CRTC3: variants seen among roughly 807,000 people sequenced by gnomAD.
The protein encoded by CRTC3 is CREB regulated transcription coactivator 3, also known as CREB-regulated transcription coactivator 3.
CRTC3 carries 26 observed loss-of-function variants against 74.5 expected under a neutral mutation model. That is an observed-to-expected ratio of 0.35 (90% confidence interval 0.26 to 0.48). The LOEUF (loss-of-function observed/expected upper bound fraction) is 0.48, where lower values mean the gene tolerates loss of function less well. CRTC3 is among the 20% of genes least tolerant of loss of function. CRTC3 has a pLI of 0.99. For missense variants in CRTC3, 760 were observed against 787.3 expected (o/e 0.97, Z 0.41); for synonymous variants, 377 against 325.8 (o/e 1.16, Z -1.69).
Position 90,564,007 on chromosome 15 carries a change from TAA to T in CRTC3, c.231+23871_231+23872del, listed in dbSNP as rs1967069324. Among the ~76,000 whole-genome samples, 6 of 152,352 alleles carry T rather than the reference TAA, an allele frequency of 3.9e-5. No homozygotes were observed. The South Asian group carries it at 1.2e-3, about 32-fold the overall frequency. ...CTGTGCATCAGGCAATATGGCTAACTAAGGCTTTGCATACATCATTTACTCTT... is the reference window on the plus strand; with the variant it reads ...CTGTGCATCAGGCAATATGGCTAACTGGCTTTGCATACATCATTTACTCTT... On this transcript the variant is annotated intron_variant, in intron 2 of 14. Coordinates refer to ENST00000268184, the MANE Select transcript of CRTC3 (RefSeq NM_022769.5).
intron 2 of CRTC3, among the ~76,000 whole-genome samples, chr15:90,571,063 T>A (rs1200350851): frequency 6.6e-6 from 1 of 152,184 alleles, no homozygotes; most frequent in East Asian, 1.9e-4. Flanking sequence ...GTGGTTATAT[T>A]TTTTTAATAA....
At position 90,540,530 on chromosome 15, in the gene CRTC3, T is replaced by C. The variant is rs536423587; in HGVS notation, c.231+393T>C. ...GCTCACACCTGTAATCCTAGCACTT[T>C]GGGAGGCCAAGGCTGGCAGATCACC... is the stretch of plus-strand genomic sequence containing the variant. On this transcript the variant is annotated intron_variant, in intron 2 of 14. Transcript: ENST00000268184. Among the ~76,000 whole-genome samples, 10 of 152,344 alleles carry C rather than the reference T, an allele frequency of 6.6e-5. No individual in the cohort carries two copies. The East Asian group carries it at 1.9e-3, about 29-fold the overall frequency.
chr15:90,590,623 G>A (rs1258212579), intron 2 of CRTC3, among the ~76,000 whole-genome samples: 2 of 151,970 alleles, frequency 1.3e-5, no homozygotes, highest in African/African-American at 2.4e-5. Flanking sequence ...GCCTCCCAAA[G>A]TGCTGGGATT....
chr15:90,604,241 A>G (rs941568033), intron 4 of CRTC3, 144 bp from the exon 5 acceptor site: 35 of 645,924 alleles, frequency 5.4e-5, no homozygotes, highest in Non-Finnish European at 8.8e-5. Flanking sequence ...GATGAGCAAA[A>G]TGAGCGAGGT....
intron 2 of CRTC3, among the ~76,000 whole-genome samples, chr15:90,580,138 G>T (rs950012982): frequency 6.6e-6 from 1 of 152,058 alleles, no homozygotes; most frequent in African/African-American, 2.4e-5. Flanking sequence ...GTTTAGTTAG[G>T]ACTATGCCTA....
chr15:90,556,120 A>G (rs1425022496), intron 2 of CRTC3, among the ~76,000 whole-genome samples: 2 of 152,018 alleles, frequency 1.3e-5, no homozygotes, highest in Non-Finnish European at 1.5e-5. Flanking sequence ...TTATTTCCCT[A>G]TGTCATTAAA....
rs1213068821 is a variant in CRTC3 at position 90,642,619 on chromosome 15, G to T, written c.*479G>T. The T allele has an allele frequency of 8.1e-6, 2 of 247,920 alleles. No individual in the cohort carries two copies. Among genetic ancestry groups the T allele is most frequent in the East Asian group, 5.9e-5 (1 of 17,038 alleles). 15.4% of individuals were successfully genotyped at this position (247,920 alleles called of 1,614,324 possible). On this transcript the variant is annotated 3_prime_UTR_variant, in exon 15 of 15. Coordinates refer to ENST00000268184, the MANE Select transcript of CRTC3 (RefSeq NM_022769.5). ...TGCTCTGACCTGACCCAGAGGGCGA[G>T]GCCCTCCAGCGGGGGACATTCCCAG...
intron 2 of CRTC3, among the ~76,000 whole-genome samples, chr15:90,546,845 G>T (rs374906595): frequency 6.6e-6 from 1 of 152,068 alleles, no homozygotes; most frequent in African/African-American, 2.4e-5. Flanking sequence ...GGATGGTCTC[G>T]ATCTCCTGAC....
chr15:90,629,384 C>A lies in CRTC3; in HGVS notation c.1118C>A (p.Ser373Tyr). 1 of 1,614,148 alleles carries A rather than the reference C, an allele frequency of 6.2e-7. No homozygotes were observed. The highest frequency in any genetic ancestry group is 8.5e-7 in the Non-Finnish European group (1 of 1,180,022). Residue 373 changes from serine (S) to tyrosine (Y), a missense_variant, in exon 11 of 15, where the codon TCT becomes TAT. Around this residue, in one of 2 missense-constraint regions of CRTC3, gnomAD observed 652 missense variants for 635.2 expected, o/e 1.03. Transcript: ENST00000268184. ...CGTCTGTTTTCCCTTAGCAACCCAT[C>A]TCTTTCCACCACAAACCTGAGCGGC... The part of the protein sequence containing the change: ...SLRLFSLSNP[S>Y]LSTTNLSGPS...
intron 2 of CRTC3, among the ~76,000 whole-genome samples, chr15:90,553,011 A>G (rs1966864635): frequency 6.6e-6 from 1 of 152,152 alleles, no homozygotes; most frequent in Admixed American, 6.6e-5. Flanking sequence ...TTATCCAAAT[A>G]CTGTTAGATG....
chr15:90,578,860 T>C (rs1379670242), intron 2 of CRTC3, among the ~76,000 whole-genome samples: 1 of 152,212 alleles, frequency 6.6e-6, no homozygotes, highest in Non-Finnish European at 1.5e-5. Flanking sequence ...TCTTTAAAAG[T>C]AATGATTACA....
chr15:90,586,957 G>A (rs1967678952), intron 2 of CRTC3, among the ~76,000 whole-genome samples: 1 of 152,150 alleles, frequency 6.6e-6, no homozygotes, highest in African/African-American at 2.4e-5. Flanking sequence ...TCCTAACTTA[G>A]CGTGGGCTTA....
At chr15:90,604,094 C>T (rs1009226706) in intron 4 of CRTC3, 2 of 261,696 alleles carry the variant, frequency 7.6e-6, no homozygotes, top group African/African-American at 2.2e-5. Context: ...TGCCACGGCG[C>T]CCCCTACATG....
intron 10 of CRTC3, 69 bp from the exon 11 acceptor site, chr15:90,629,161 TTTTC>T (rs1247788691): frequency 4.9e-6 from 7 of 1,434,384 alleles, no homozygotes; most frequent in Admixed American, 3.9e-5. Context: ...CAGTAGACAG[TTTTC>T]TTTCATTTTT....
intron 2 of CRTC3, among the ~76,000 whole-genome samples, chr15:90,547,303 T>G (rs113427984): frequency 6.6e-6 from 1 of 152,324 alleles, no homozygotes; most frequent in African/African-American, 2.4e-5. Flanking sequence ...GCAATCATGA[T>G]GTACTATAGA....
intron 2 of CRTC3, among the ~76,000 whole-genome samples, chr15:90,590,253 A>G (rs896355212): frequency 6.6e-6 from 1 of 151,970 alleles, no homozygotes; most frequent in African/African-American, 2.4e-5. Flanking sequence ...AGATCATACC[A>G]CTTCACTCCA....
intron 10 of CRTC3, among the ~76,000 whole-genome samples, chr15:90,627,399 C>A (rs1968875718): frequency 6.6e-6 from 1 of 152,168 alleles, no homozygotes; most frequent in African/African-American, 2.4e-5. Context: ...GGGCAATTCA[C>A]CTTTTGGGTG....
Position 90,642,464 on chromosome 15 carries a change from T to G in CRTC3, c.*324T>G. The G allele has an allele frequency of 2.3e-6, 1 of 444,328 alleles. No individual in the cohort carries two copies. The allele number at this position is 444,328 out of a possible 1,614,324, so 27.5% of individuals were successfully genotyped here. ...GCCGATGTGTAAGAGTAGGAAATAC[T>G]GTGTCACTGGAGGCCTCCGTAGCAT... On this transcript the variant is annotated 3_prime_UTR_variant, in exon 15 of 15. Coordinates refer to ENST00000268184, the MANE Select transcript of CRTC3 (RefSeq NM_022769.5).
intron 3 of CRTC3, 95 bp from the exon 4 acceptor site, chr15:90,602,229 C>A: frequency 1.3e-6 from 1 of 755,730 alleles, no homozygotes; most frequent in Non-Finnish European, 2.3e-6. Context: ...GATAAGGAAC[C>A]AAAAACTCAG....
Sources: gnomAD v4.1 joint callset for allele counts (sites outside exome capture counted in the v4.1 genomes callset) on GRCh38, gnomAD v4.1.1 for gene constraint, gnomAD v4.1.1 regional missense constraint, MANE v1.5 for transcripts, NCBI Gene and HGNC (gene_info 2026-07-23, HGNC 2026-07-21) for gene names.